DPP10: variants seen among roughly 807,000 people sequenced by gnomAD.
DPP10 encodes the protein inactive dipeptidyl peptidase 10.
A neutral mutation model predicts 120.9 loss-of-function variants in DPP10; 33 were observed. The observed-to-expected ratio is 0.27, with a 90% CI of 0.21 to 0.37. The LOEUF (loss-of-function observed/expected upper bound fraction) is 0.37, where lower values mean the gene tolerates loss of function less well. DPP10 is among the 10% of genes least tolerant of loss of function. DPP10 has a pLI of 1.00. For missense variants in DPP10, 816 were observed against 942.8 expected (o/e 0.87, Z 1.76); for synonymous variants, 337 against 326.1 (o/e 1.03, Z -0.36).
At chr2:115,712,543 A>AATATATATATATATATATATATATAT (rs1553486145) in intron 7 of DPP10, among the ~76,000 whole-genome samples, 2 of 64,266 alleles carry the variant, frequency 3.1e-5, no homozygotes, top group Non-Finnish European at 2.9e-5. Context: ...TCCTGAATTA[A>AATATATATATATATATATATATATAT]ATATATATAT....
chr2:115,449,844 T>C (rs748118003), intron 3 of DPP10, among the ~76,000 whole-genome samples: 3 of 152,096 alleles, frequency 2.0e-5, no homozygotes, highest in Non-Finnish European at 4.4e-5. Flanking sequence ...ACGTGAAAAT[T>C]AGTCTGTACT....
intron 1 of DPP10, among the ~76,000 whole-genome samples, chr2:115,121,664 C>T (rs1029024428): frequency 6.6e-6 from 1 of 152,136 alleles, no homozygotes; most frequent in Non-Finnish European, 1.5e-5. Context: ...TCTTCTGCAC[C>T]AATGGTAGTT....
chr2:115,583,719 A>G (rs1441421712), intron 5 of DPP10, among the ~76,000 whole-genome samples: 1 of 152,210 alleles, frequency 6.6e-6, no homozygotes, highest in Non-Finnish European at 1.5e-5. Flanking sequence ...AGAGGAAAGA[A>G]GGAAAGAGGT....
chr2:114,931,541 G>A (rs775663485), intron 1 of DPP10, among the ~76,000 whole-genome samples: 12 of 152,098 alleles, frequency 7.9e-5, no homozygotes, highest in Non-Finnish European at 1.6e-4. Flanking sequence ...CCCAATGACT[G>A]AAACACCTCC....
At chr2:115,036,556 A>G (rs1704238834) in intron 1 of DPP10, among the ~76,000 whole-genome samples, 1 of 152,200 alleles carries the variant, frequency 6.6e-6, no homozygotes, top group Non-Finnish European at 1.5e-5. Flanking sequence ...AGGGATACCA[A>G]AGGAAACCTG....
At chr2:115,350,994 G>A (rs2063991371) in intron 3 of DPP10, among the ~76,000 whole-genome samples, 1 of 152,090 alleles carries the variant, frequency 6.6e-6, no homozygotes, top group African/African-American at 2.4e-5. Context: ...AGCAGAACTA[G>A]CATTGGACTA....
At chr2:115,630,017 T>C (rs1358317625) in intron 5 of DPP10, among the ~76,000 whole-genome samples, 4 of 152,340 alleles carry the variant, frequency 2.6e-5, no homozygotes, top group South Asian at 4.1e-4. Flanking sequence ...TTTCATAATA[T>C]TGATTATACC....
intron 1 of DPP10, among the ~76,000 whole-genome samples, chr2:114,452,560 G>A (rs184170495): frequency 7.7e-4 from 117 of 152,154 alleles, no homozygotes; most frequent in African/African-American, 1.1e-3. Flanking sequence ...TTGTCCATTC[G>A]CTCCTTTAAA....
At chr2:115,451,723 A>T (rs766360424) in intron 3 of DPP10, among the ~76,000 whole-genome samples, 34 of 151,980 alleles carry the variant, frequency 2.2e-4, no homozygotes, top group Non-Finnish European at 2.7e-4. Flanking sequence ...GTATCTTTCA[A>T]ATTTATGAAT....
chr2:115,072,206 A>G (rs1707422396), intron 1 of DPP10, among the ~76,000 whole-genome samples: 1 of 152,174 alleles, frequency 6.6e-6, no homozygotes. Flanking sequence ...CCTGATGGTT[A>G]TCTGAACGAG....
chr2:114,455,156 T>TTGTG (rs141717813), intron 1 of DPP10, among the ~76,000 whole-genome samples: 18,608 of 147,282 alleles, frequency 0.13, 1,190 homozygotes, highest in Middle Eastern at 0.19. Context: ...TTTCTTTCTA[T>TTGTG]TGTGTGTGTG....
chr2:115,468,153 A>C (rs1380242584), intron 3 of DPP10: 1 of 495,792 alleles, frequency 2.0e-6, no homozygotes, highest in African/African-American at 2.0e-5. Flanking sequence ...CTTGACTTCT[A>C]AATGGATCAG....
rs138762809 is a variant in DPP10, at chr2:115,087,631, G to A, written c.61-221608G>A. Among the ~76,000 whole-genome samples, 18 of 125,518 alleles carry A rather than the reference G, an allele frequency of 1.4e-4. 1 individual carries two copies. In the South Asian group the frequency reaches 3.7e-3, roughly 26 times the overall value. 82.3% of individuals were successfully genotyped at this position (125,518 alleles called of 152,430 possible). On this transcript the variant is annotated intron_variant, in intron 1 of 25. Coordinates refer to ENST00000410059, the MANE Select transcript of DPP10 (RefSeq NM_020868.6). Reference sequence around the variant, plus strand: ...GCAATTGGCCCAATCTCGGCTCACCGCAACCTCTGCCTCCCGGGTTCAAGC... The same window carrying A: ...GCAATTGGCCCAATCTCGGCTCACCACAACCTCTGCCTCCCGGGTTCAAGC...
At chr2:115,058,171 T>C (rs147259661) in intron 1 of DPP10, among the ~76,000 whole-genome samples, 2,478 of 151,558 alleles carry the variant, frequency 0.016, 53 homozygotes, top group African/African-American at 0.047. Flanking sequence ...CAATGGGTAG[T>C]TGATATCATA....
At chr2:115,531,847 C>A (rs1318776654) in intron 5 of DPP10, among the ~76,000 whole-genome samples, 2 of 152,050 alleles carry the variant, frequency 1.3e-5, no homozygotes, top group Admixed American at 6.6e-5. Flanking sequence ...AAGATTAATT[C>A]TGCCTGTTTT....
chr2:114,740,157 C>G (rs1165655339), intron 1 of DPP10, among the ~76,000 whole-genome samples: 1 of 151,350 alleles, frequency 6.6e-6, no homozygotes, highest in Admixed American at 6.6e-5. Flanking sequence ...CACATATACA[C>G]CATGGAATAC....
At chr2:115,523,821 C>T (rs888228672) in intron 4 of DPP10, among the ~76,000 whole-genome samples, 4 of 152,130 alleles carry the variant, frequency 2.6e-5, no homozygotes, top group Non-Finnish European at 5.9e-5. Context: ...TTCCTAACAA[C>T]TTGCAGACCA....
At chr2:115,749,178 G>A (rs1469492276) in intron 10 of DPP10, among the ~76,000 whole-genome samples, 3 of 152,132 alleles carry the variant, frequency 2.0e-5, no homozygotes, top group Non-Finnish European at 2.9e-5. Flanking sequence ...ACCTTTATTA[G>A]AAAATTTAAG....
chr2:115,512,788 T>G (rs188011815), intron 4 of DPP10, among the ~76,000 whole-genome samples: 1 of 152,210 alleles, frequency 6.6e-6, no homozygotes, highest in African/African-American at 2.4e-5. Flanking sequence ...TTCCATTCAT[T>G]GAAACATGTT....
Sources: allele counts gnomAD v4.1 joint callset (sites outside exome capture counted in the v4.1 genomes callset), GRCh38; gene constraint gnomAD v4.1.1; transcripts MANE v1.5; gene names NCBI Gene and HGNC (gene_info 2026-07-23, HGNC 2026-07-21).